XKR4: variants seen among roughly 807,000 people sequenced by gnomAD.
The protein encoded by XKR4 is XK related 4.
In XKR4, 12 loss-of-function variants were observed where a neutral mutation model predicts 53.9. That is an observed-to-expected ratio of 0.22 (90% CI 0.14 to 0.36). The LOEUF is 0.36. Among genes scored for constraint, XKR4 ranks in the 10% least tolerant of loss-of-function variants. The pLI is 1.00. For missense variants in XKR4, 799 were observed against 859.5 expected (o/e 0.93, Z 0.88); for synonymous variants, 354 against 362.4 (o/e 0.98, Z 0.26).
At chr8:55,464,597 A>C (rs909070074) in intron 2 of XKR4, among the ~76,000 whole-genome samples, 1 of 152,164 alleles carries the variant, frequency 6.6e-6, no homozygotes, top group Non-Finnish European at 1.5e-5. Flanking sequence ...GCCCTCTCTC[A>C]CTACTCCTAT....
chr8:55,389,393 A>G (rs537985522), intron 2 of XKR4, among the ~76,000 whole-genome samples: 1 of 152,356 alleles, frequency 6.6e-6, no homozygotes, highest in South Asian at 2.1e-4. Context: ...TGCAGAATTT[A>G]TATAATGTTC....
intron 1 of XKR4, among the ~76,000 whole-genome samples, chr8:55,246,713 C>A (rs926374814): frequency 6.9e-6 from 1 of 144,408 alleles, no homozygotes; most frequent in African/African-American, 2.6e-5. Flanking sequence ...CCATTAAAGT[C>A]TTTTTTTTTT....
intron 2 of XKR4, among the ~76,000 whole-genome samples, chr8:55,400,756 T>C (rs1447827495): frequency 6.6e-6 from 1 of 152,204 alleles, no homozygotes; most frequent in Non-Finnish European, 1.5e-5. Context: ...CCAGATATGT[T>C]CACAGACTGC....
At chr8:55,370,543 A>T (rs1429718708) in intron 2 of XKR4, among the ~76,000 whole-genome samples, 2 of 152,208 alleles carry the variant, frequency 1.3e-5, no homozygotes, top group Non-Finnish European at 2.9e-5. Context: ...AGGAGAGTAG[A>T]CATAAGCTCC....
At chr8:55,300,044 C>T (rs538218679) in intron 1 of XKR4, among the ~76,000 whole-genome samples, 16 of 152,224 alleles carry the variant, frequency 1.1e-4, no homozygotes, top group African/African-American at 2.6e-4. Context: ...TCAAAGCCCC[C>T]GCTGTAGGTG....
chr8:55,159,605 T>C (rs577102232), intron 1 of XKR4, among the ~76,000 whole-genome samples: 1 of 152,174 alleles, frequency 6.6e-6, no homozygotes, highest in African/African-American at 2.4e-5. Context: ...GGCACGTGAG[T>C]AAGTGAGAAC....
chr8:55,340,284 G>A (rs1803523926), intron 1 of XKR4, among the ~76,000 whole-genome samples: 2 of 152,226 alleles, frequency 1.3e-5, no homozygotes, highest in Admixed American at 6.5e-5. Context: ...GTTGTGTGGT[G>A]TTTGGTGGTG....
At chr8:55,453,250 C>T (rs992455935) in intron 2 of XKR4, 8 of 491,530 alleles carry the variant, frequency 1.6e-5, no homozygotes, top group Non-Finnish European at 2.1e-5. Flanking sequence ...GCAGAGCAGC[C>T]GAGATGCCAT....
At chr8:55,338,351 G>A (rs114970252) in intron 1 of XKR4, among the ~76,000 whole-genome samples, 1,696 of 152,282 alleles carry the variant, frequency 0.011, 32 homozygotes, top group African/African-American at 0.039. Flanking sequence ...GAGCTAGTGT[G>A]CATGTGCTGT....
intron 2 of XKR4, among the ~76,000 whole-genome samples, chr8:55,396,241 T>C (rs1804515620): frequency 1.3e-5 from 2 of 152,194 alleles, no homozygotes; most frequent in Non-Finnish European, 2.9e-5. Context: ...TCAAGGCCTC[T>C]TCTGAGATGC....
chr8:55,296,970 C>A (rs1349815687), intron 1 of XKR4, among the ~76,000 whole-genome samples: 1 of 152,128 alleles, frequency 6.6e-6, no homozygotes, highest in Non-Finnish European at 1.5e-5. Flanking sequence ...TGACCCTGAA[C>A]AAAATGCTTA....
At chr8:55,368,100 A>G (rs925108339) in intron 2 of XKR4, among the ~76,000 whole-genome samples, 2 of 152,088 alleles carry the variant, frequency 1.3e-5, no homozygotes, top group Admixed American at 1.3e-4. Flanking sequence ...AGCTGAGACT[A>G]CAGGCACACA....
rs531621747 is a variant in XKR4, at chr8:55,474,277, G to C, written c.1007-49004G>C. ...ATCACTGATGGACAGTTACCACAAA[G>C]ACATAAAACTTTACATATTGGGCTG... On this transcript the variant is annotated intron_variant, in intron 2 of 2. Coordinates refer to ENST00000327381, the MANE Select transcript of XKR4 (RefSeq NM_052898.2). Among the ~76,000 whole-genome samples, 61 of 152,094 alleles carry C rather than the reference G, an allele frequency of 4.0e-4. 1 individual carries two copies. The South Asian group carries it at 0.011, about 28-fold the overall frequency.
chr8:55,475,478 G>A (rs572260006), intron 2 of XKR4, among the ~76,000 whole-genome samples: 3 of 152,038 alleles, frequency 2.0e-5, no homozygotes, highest in Non-Finnish European at 4.4e-5. Flanking sequence ...GAGCAATGGT[G>A]TGATCAGATC....
chr8:55,187,508 G>A (rs914579458), intron 1 of XKR4, among the ~76,000 whole-genome samples: 1 of 152,188 alleles, frequency 6.6e-6, no homozygotes, highest in African/African-American at 2.4e-5. Flanking sequence ...TGACAGGTGA[G>A]TCAAGTCGAC....
chr8:55,345,239 A>T (rs976886718), intron 1 of XKR4, among the ~76,000 whole-genome samples: 5 of 152,272 alleles, frequency 3.3e-5, no homozygotes, highest in Admixed American at 1.3e-4. Context: ...GGTTGCAGTG[A>T]GCCAAGACCA....
intron 1 of XKR4, among the ~76,000 whole-genome samples, chr8:55,129,998 G>A (rs1183108278): frequency 6.6e-6 from 1 of 152,146 alleles, no homozygotes; most frequent in South Asian, 2.1e-4. Flanking sequence ...AAGGCTATCC[G>A]CGGAGGTGTG....
intron 1 of XKR4, among the ~76,000 whole-genome samples, chr8:55,337,531 G>T (rs760860046): frequency 6.6e-6 from 1 of 152,136 alleles, no homozygotes; most frequent in Non-Finnish European, 1.5e-5. Flanking sequence ...GCCAGTTTAT[G>T]CCTGGGAAGG....
chr8:55,282,066 A>G (rs1818850929), intron 1 of XKR4, among the ~76,000 whole-genome samples: 1 of 152,208 alleles, frequency 6.6e-6, no homozygotes, highest in Admixed American at 6.5e-5. Flanking sequence ...GAGATGGGAC[A>G]GAGAGATTCT....
Sources: gnomAD v4.1 joint callset for allele counts (sites outside exome capture counted in the v4.1 genomes callset) on GRCh38, gnomAD v4.1.1 for gene constraint, MANE v1.5 for transcripts, NCBI Gene and HGNC (gene_info 2026-07-23, HGNC 2026-07-21) for gene names.